ANO3: variants seen among roughly 807,000 people sequenced by gnomAD.
ANO3 encodes the protein anoctamin-3.
In ANO3, 99 loss-of-function variants were observed where a neutral mutation model predicts 144.8. The ratio of observed to expected loss-of-function variants is 0.68; its 90% CI spans 0.58 to 0.81. ANO3 has a LOEUF of 0.81. ANO3 is among the 30% of genes least tolerant of loss of function. The pLI is 0.00. For synonymous variants in ANO3, 414 were observed against 392.6 expected (o/e 1.05, Z -0.64); for missense variants, 905 against 1,202.2 (o/e 0.75, Z 3.66).
intron 3 of ANO3, among the ~76,000 whole-genome samples, chr11:26,457,985 G>A (rs187413552): frequency 1.3e-5 from 2 of 152,142 alleles, no homozygotes; most frequent in East Asian, 3.9e-4. Flanking sequence ...ATTAATAAGA[G>A]CTTTTGGGAA....
chr11:26,640,398 T>C (rs1045028915), intron 21 of ANO3, among the ~76,000 whole-genome samples: 1 of 152,130 alleles, frequency 6.6e-6, no homozygotes, highest in African/African-American at 2.4e-5. Context: ...AAAGAGAGAA[T>C]AGAAGATGGA....
At chr11:26,224,048 C>T (rs761010562) in intron 1 of ANO3, among the ~76,000 whole-genome samples, 1 of 152,152 alleles carries the variant, frequency 6.6e-6, no homozygotes, top group Admixed American at 6.5e-5. Flanking sequence ...GGTGTAACGA[C>T]CCAATCTCTA....
At position 26,361,690 on chromosome 11, in the gene ANO3, G is replaced by C. The variant is rs529473001; in HGVS notation, c.46+29369G>C. 3.3e-5 allele frequency among the ~76,000 whole-genome samples: 5 copies of C among 152,252 alleles called. No individual in the cohort carries two copies. In the East Asian group the frequency reaches 9.6e-4, roughly 29 times the overall value. On this transcript the variant is annotated intron_variant, in intron 1 of 26. Transcript: ENST00000256737. The stretch of plus-strand genomic sequence containing the variant: ...ATATTGTTCCAATTACTATGAACCT[G>C]TCCCAAGGAAGAAAGGAGGCGCCCT...
rs141779187 is a variant in ANO3 at position 26,224,600 on chromosome 11, T to C, written c.154+35270T>C. Among the ~76,000 whole-genome samples, 9 of 152,322 alleles carry C rather than the reference T, an allele frequency of 5.9e-5. No homozygotes were observed. In the East Asian group the frequency reaches 1.5e-3, roughly 26 times the overall value. On this transcript the variant is annotated intron_variant, in intron 1 of 27. Coordinates refer to the ANO3 transcript ENST00000672621. ...GTGGCCCAGGGCCACATTTTTACTA[T>C]GTTGGAATGAAGTATGTAGGATCCA... is the stretch of plus-strand genomic sequence containing the variant.
At chr11:26,341,622 G>T (rs1459975581) in intron 1 of ANO3, among the ~76,000 whole-genome samples, 1 of 152,156 alleles carries the variant, frequency 6.6e-6, no homozygotes, top group Non-Finnish European at 1.5e-5. Context: ...TATGAAAAGG[G>T]GTTTATTAAG....
chr11:26,646,459 T>C (rs552480765), intron 23 of ANO3, among the ~76,000 whole-genome samples: 5 of 152,254 alleles, frequency 3.3e-5, no homozygotes, highest in Non-Finnish European at 5.9e-5. Context: ...ATTTAAGATG[T>C]ATCAGATTAA....
chr11:26,285,166 A>C (rs1163150402), intron 1 of ANO3, among the ~76,000 whole-genome samples: 7 of 152,124 alleles, frequency 4.6e-5, no homozygotes, highest in Admixed American at 1.3e-4. Flanking sequence ...AATAAAGTTC[A>C]CTTTGTTATC....
intron 1 of ANO3, among the ~76,000 whole-genome samples, chr11:26,231,744 T>C (rs1260089618): frequency 1.3e-5 from 2 of 152,222 alleles, no homozygotes; most frequent in African/African-American, 2.4e-5. Context: ...TAGACTTATA[T>C]TGAGCAAGGA....
At chr11:26,209,336 T>C (rs1476555626) in intron 1 of ANO3, among the ~76,000 whole-genome samples, 1 of 152,252 alleles carries the variant, frequency 6.6e-6, no homozygotes, top group Non-Finnish European at 1.5e-5. Flanking sequence ...ATCTTTTTTA[T>C]GGCTGCAAAG....
chr11:26,304,882 C>A (rs1854338649), upstream of ANO3, among the ~76,000 whole-genome samples: 1 of 152,000 alleles, frequency 6.6e-6, no homozygotes, highest in South Asian at 2.1e-4. Context: ...TAAATTTCTA[C>A]CAAATTGCTC....
chr11:26,386,792 T>C (rs1351359708), intron 1 of ANO3, among the ~76,000 whole-genome samples: 2 of 152,202 alleles, frequency 1.3e-5, no homozygotes, highest in Non-Finnish European at 2.9e-5. Flanking sequence ...TACATATTCC[T>C]GGATAGTATC....
intron 11 of ANO3, among the ~76,000 whole-genome samples, chr11:26,547,197 T>C (rs889082204): frequency 1.3e-4 from 20 of 151,962 alleles, no homozygotes; most frequent in African/African-American, 4.8e-4. Flanking sequence ...TAAATACATG[T>C]GACAGAATTG....
rs187398768 is a variant in ANO3 at position 26,403,072 on chromosome 11, G to T, written c.47-38846G>T. On this transcript the variant is annotated intron_variant, in intron 1 of 26. Transcript: ENST00000256737. ...ATGTGTTTTGTTTCGTTTTGTTTTT[G>T]TATACTTACCTACATTCCAGACTTT... Among the ~76,000 whole-genome samples, 10 of 151,746 alleles carry T rather than the reference G, an allele frequency of 6.6e-5. 1 individual carries two copies. The South Asian group carries it at 2.1e-3, about 32-fold the overall frequency.
At chr11:26,451,301 C>T (rs376601785) in intron 3 of ANO3, among the ~76,000 whole-genome samples, 110 of 152,272 alleles carry the variant, frequency 7.2e-4, no homozygotes, top group Admixed American at 1.0e-3. Flanking sequence ...ACTCGGGAAG[C>T]GCAAGGGGTC....
chr11:26,459,058 A>T (rs1287176055), intron 3 of ANO3, among the ~76,000 whole-genome samples: 1 of 152,174 alleles, frequency 6.6e-6, no homozygotes, highest in East Asian at 1.9e-4. Flanking sequence ...ACAGATATTG[A>T]GCATTATCTG....
At position 26,226,866 on chromosome 11, in the gene ANO3, C is replaced by T. The variant is rs532355121; in HGVS notation, c.154+37536C>T. On this transcript the variant is annotated intron_variant, in intron 1 of 27. Transcript: ENST00000672621. The stretch of plus-strand genomic sequence containing the variant: ...GAATACATTCACATTGTTGTACAGC[C>T]ATCACCATCATCCATTTCCAGAGTT... 1.2e-4 allele frequency among the ~76,000 whole-genome samples: 18 copies of T among 152,162 alleles called. No homozygotes were observed. In the South Asian group the frequency reaches 3.7e-3, roughly 32 times the overall value.
At chr11:26,601,503 G>A (rs1851798194) in intron 17 of ANO3, among the ~76,000 whole-genome samples, 2 of 151,426 alleles carry the variant, frequency 1.3e-5, no homozygotes, top group Admixed American at 6.6e-5. Context: ...AATAATTTAT[G>A]CTCTTGACTC....
At chr11:26,624,571 A>G in intron 18 of ANO3, 73 bp downstream of exon 18, 1 of 1,091,354 alleles carries the variant, frequency 9.2e-7, no homozygotes, top group Non-Finnish European at 1.4e-6. Flanking sequence ...TAGTTACTTT[A>G]TATAATGTAG....
intron 7 of ANO3, among the ~76,000 whole-genome samples, chr11:26,527,367 A>T (rs1849188479): frequency 6.6e-6 from 1 of 152,170 alleles, no homozygotes. Context: ...GATTATTAAA[A>T]TATCTTGAAC....
Sources: allele counts gnomAD v4.1 joint callset (sites outside exome capture counted in the v4.1 genomes callset), GRCh38; gene constraint gnomAD v4.1.1; transcripts MANE v1.5; gene names NCBI Gene and HGNC (gene_info 2026-07-23, HGNC 2026-07-21).